The following ANTXR2 variants were observed in gnomAD, a reference collection of about 807,000 sequenced individuals.
ANTXR2 encodes anthrax toxin receptor 2.
In ANTXR2, 44 loss-of-function variants were observed where a neutral mutation model predicts 73.7. The observed-to-expected ratio is 0.60, with a 90% CI of 0.47 to 0.77. The LOEUF is 0.77. ANTXR2 is among the 30% of genes least tolerant of loss of function. The pLI, the probability that ANTXR2 is intolerant of heterozygous loss-of-function variation, is 0.00. For missense variants in ANTXR2, 604 were observed against 592.5 expected (o/e 1.02, Z -0.20); for synonymous variants, 217 against 205.9 (o/e 1.05, Z -0.46).
At chr4:79,918,206 C>T (rs1171269624) in intron 16 of ANTXR2, among the ~76,000 whole-genome samples, 1 of 151,912 alleles carries the variant, frequency 6.6e-6, no homozygotes, top group Non-Finnish European at 1.5e-5. Context: ...AGAATCTGAG[C>T]CCTATGAGAC....
intron 3 of ANTXR2, among the ~76,000 whole-genome samples, chr4:80,058,848 A>G (rs1197529832): frequency 6.6e-6 from 1 of 152,130 alleles, no homozygotes; most frequent in Admixed American, 6.6e-5. Flanking sequence ...GGGAACAGCA[A>G]TATTGAAACT....
intron 10 of ANTXR2, among the ~76,000 whole-genome samples, chr4:80,019,436 T>C (rs1732050873): frequency 6.6e-6 from 1 of 152,228 alleles, no homozygotes; most frequent in Admixed American, 6.5e-5. Flanking sequence ...TCCTTAGTTC[T>C]AGTCTTTACT....
intron 7 of ANTXR2, among the ~76,000 whole-genome samples, chr4:80,038,406 AG>A (rs964804699): frequency 1.3e-5 from 2 of 152,106 alleles, no homozygotes; most frequent in African/African-American, 2.4e-5. Context: ...GATCTCTTTA[AG>A]GCTGAAGAAC....
chr4:80,068,778 T>A (rs936699435), intron 3 of ANTXR2, among the ~76,000 whole-genome samples: 3 of 151,934 alleles, frequency 2.0e-5, no homozygotes, highest in Non-Finnish European at 4.4e-5. Context: ...TCTCAAAAAA[T>A]AAAAATAACA....
chr4:80,000,051 G>A (rs1730954444), intron 12 of ANTXR2, among the ~76,000 whole-genome samples: 1 of 151,938 alleles, frequency 6.6e-6, no homozygotes, highest in Non-Finnish European at 1.5e-5. Context: ...ATTTCAGTTG[G>A]AAGAAAAAAG....
chr4:80,018,304 A>C (rs1731979015), intron 11 of ANTXR2, among the ~76,000 whole-genome samples: 1 of 152,304 alleles, frequency 6.6e-6, no homozygotes, highest in African/African-American at 2.4e-5. Context: ...CACAAAATTA[A>C]ATAAAAGGAA....
At chr4:79,994,750 C>T (rs373582373) in intron 12 of ANTXR2, among the ~76,000 whole-genome samples, 5 of 151,928 alleles carry the variant, frequency 3.3e-5, no homozygotes, top group Admixed American at 2.0e-4. Context: ...TGTTATCAAA[C>T]TCACATAGTA....
In ANTXR2 at chr4:80,054,296, C is replaced by T. The variant is rs1414557825; in HGVS notation, c.612G>A (p.Gln204=). 1 of 1,597,930 alleles carries T rather than the reference C, an allele frequency of 6.3e-7. No individual in the cohort carries two copies. Among genetic ancestry groups the T allele is most frequent in the South Asian group, 1.1e-5 (1 of 88,178 alleles). The change falls in exon 7 of 17, where the codon CAG becomes CAA. Residue 204 remains glutamine (Q), a synonymous_variant. Transcript: ENST00000403729. The part of the protein sequence containing the change: ...EQVFPVKGGF[Q]ALKGIINSIL... Reference sequence around the variant, plus strand: ...CAGAATTAATTATTCCTTTAAGAGCCTGAAATCCACCTTTGACAGGGAAAA... The same window carrying T: ...CAGAATTAATTATTCCTTTAAGAGCTTGAAATCCACCTTTGACAGGGAAAA...
chr4:79,937,272 G>A (rs1166180616), intron 16 of ANTXR2, among the ~76,000 whole-genome samples: 1 of 152,044 alleles, frequency 6.6e-6, no homozygotes, highest in East Asian at 1.9e-4. Flanking sequence ...TAAGTTCCTT[G>A]AAAATTAATT....
intron 9 of ANTXR2, 78 bp downstream of exon 9, chr4:80,033,394 T>C: frequency 4.5e-6 from 5 of 1,102,470 alleles, no homozygotes; most frequent in South Asian, 1.6e-5. Context: ...TTAGTTTTCG[T>C]TGGAGAAAAA....
intron 3 of ANTXR2, among the ~76,000 whole-genome samples, chr4:80,066,716 T>C (rs1734513336): frequency 6.6e-6 from 1 of 152,050 alleles, no homozygotes; most frequent in Non-Finnish European, 1.5e-5. Flanking sequence ...AACAATTTTA[T>C]GGGGTAGGTA....
At chr4:80,012,643 G>T (rs56888951) in intron 11 of ANTXR2, among the ~76,000 whole-genome samples, 1 of 152,070 alleles carries the variant, frequency 6.6e-6, no homozygotes, top group African/African-American at 2.4e-5. Context: ...GTTCAGTCAG[G>T]GGGTGGGGGA....
At chr4:80,018,396 G>T (rs762259878) in intron 11 of ANTXR2, among the ~76,000 whole-genome samples, 1 of 152,132 alleles carries the variant, frequency 6.6e-6, no homozygotes, top group Non-Finnish European at 1.5e-5. Flanking sequence ...ATATATATTC[G>T]ATGTGGTTAC....
At chr4:79,984,114 C>T in intron 13 of ANTXR2, 144 bp from the exon 14 acceptor site, 1 of 603,024 alleles carries the variant, frequency 1.7e-6, no homozygotes, top group Non-Finnish European at 2.8e-6. Flanking sequence ...TATATTTACA[C>T]TTACATGCAT....
intron 16 of ANTXR2, among the ~76,000 whole-genome samples, chr4:79,961,887 T>C (rs1729154560): frequency 6.6e-6 from 1 of 152,174 alleles, no homozygotes; most frequent in Non-Finnish European, 1.5e-5. Flanking sequence ...TTACTCAAGA[T>C]AAATATTTAT....
chr4:80,014,485 G>C (rs1021677243), intron 11 of ANTXR2, among the ~76,000 whole-genome samples: 8 of 152,010 alleles, frequency 5.3e-5, no homozygotes, highest in African/African-American at 1.7e-4. Context: ...AGAATTGCTT[G>C]AACCCGGGAA....
At chr4:80,037,824 G>A (rs7438431) in intron 7 of ANTXR2, among the ~76,000 whole-genome samples, 1 of 152,012 alleles carries the variant, frequency 6.6e-6, no homozygotes, top group East Asian at 1.9e-4. Flanking sequence ...AACAAAAATG[G>A]ACATTATAGC....
chr4:79,986,929 C>T (rs1730193683), intron 12 of ANTXR2, among the ~76,000 whole-genome samples: 1 of 152,158 alleles, frequency 6.6e-6, no homozygotes, highest in African/African-American at 2.4e-5. Context: ...AGTCAATCAA[C>T]TAAACACAAT....
At chr4:79,998,453 C>T (rs1730841526) in intron 12 of ANTXR2, among the ~76,000 whole-genome samples, 2 of 151,960 alleles carry the variant, frequency 1.3e-5, no homozygotes, top group Non-Finnish European at 2.9e-5. Context: ...TTGTTTGCCA[C>T]CTCATCTGTA....
Sources: allele counts gnomAD v4.1 joint callset (sites outside exome capture counted in the v4.1 genomes callset), GRCh38; gene constraint gnomAD v4.1.1; transcripts MANE v1.5; gene names NCBI Gene and HGNC (gene_info 2026-07-23, HGNC 2026-07-21).